The following CDH10 variants were observed in gnomAD, a reference collection of about 807,000 sequenced individuals.
CDH10 encodes the protein cadherin 10.
A neutral mutation model predicts 73.1 loss-of-function variants in CDH10; 30 were observed. The ratio of observed to expected loss-of-function variants is 0.41; its 90% CI spans 0.31 to 0.56. The LOEUF is 0.56. Among genes scored for constraint, CDH10 ranks in the 20% least tolerant of loss-of-function variants. The probability of loss-of-function intolerance (pLI) is 0.27; values close to 1 mark genes in which losing one functional copy is unlikely to be tolerated. For missense variants in CDH10, 815 were observed against 973.7 expected (o/e 0.84, Z 2.17); for synonymous variants, 345 against 348.2 (o/e 0.99, Z 0.10).
At chr5:24,605,257 A>G (rs1328266746) in intron 1 of CDH10, among the ~76,000 whole-genome samples, 1 of 152,240 alleles carries the variant, frequency 6.6e-6, no homozygotes, top group Non-Finnish European at 1.5e-5. Context: ...GTATAGGTCT[A>G]TGACCTGTTA....
chr5:24,493,161 A>G (rs1290549811), intron 9 of CDH10, among the ~76,000 whole-genome samples: 4 of 151,940 alleles, frequency 2.6e-5, no homozygotes, highest in African/African-American at 9.7e-5. Flanking sequence ...AATAAAAAAT[A>G]TATTATTTAG....
intron 5 of CDH10, among the ~76,000 whole-genome samples, chr5:24,528,555 C>T (rs1407590997): frequency 6.6e-6 from 1 of 151,936 alleles, no homozygotes. Context: ...AAGACCTTGT[C>T]TCATGCAAAC....
At chr5:24,533,201 C>A (rs1035816153) in intron 5 of CDH10, among the ~76,000 whole-genome samples, 2 of 151,886 alleles carry the variant, frequency 1.3e-5, no homozygotes, top group African/African-American at 4.8e-5. Context: ...GTGGCATGAA[C>A]CTGTAATCCT....
rs1393956707 is a variant in CDH10, at chr5:24,520,077, AC to A, written c.815-8564del. Among the ~76,000 whole-genome samples, 22 of 152,282 alleles carry A rather than the reference AC, an allele frequency of 1.4e-4. 1 individual carries two copies. Among genetic ancestry groups the A allele is most frequent in the African/African-American group, 5.3e-4 (22 of 41,550 alleles). ...CCATTCATACTGGATTACAGCTTTA[AC>A]TCTAATAACCTCATTTTAAACTATT... is the stretch of plus-strand genomic sequence containing the variant. On this transcript the variant is annotated intron_variant, in intron 5 of 11. Transcript: ENST00000264463.
At chr5:24,536,662 A>T (rs1743964032) in intron 3 of CDH10, among the ~76,000 whole-genome samples, 2 of 152,010 alleles carry the variant, frequency 1.3e-5, no homozygotes, top group Admixed American at 1.3e-4. Flanking sequence ...CTTGGCCTAC[A>T]GATACATCTC....
Position 24,603,039 on chromosome 5 carries a change from G to A in CDH10, c.-123-9426C>T, listed in dbSNP as rs1746622575. On this transcript the variant is annotated intron_variant, in intron 1 of 11. Coordinates refer to ENST00000264463, the MANE Select transcript of CDH10 (RefSeq NM_006727.5). ...GATTACAGTGGCTTTGTCTGATAAT[G>A]AAACTCTAAAAACTAGAAGATTTCA... is the stretch of plus-strand genomic sequence containing the variant. Among the ~76,000 whole-genome samples the A allele has an allele frequency of 7.9e-5, 12 of 152,208 alleles. No homozygotes were observed. In the South Asian group the frequency reaches 2.5e-3, roughly 32 times the overall value.
chr5:24,639,851 T>C (rs1005670956), intron 1 of CDH10, among the ~76,000 whole-genome samples: 2 of 151,776 alleles, frequency 1.3e-5, no homozygotes, highest in South Asian at 2.1e-4. Context: ...AACTTATGCA[T>C]TGAGCATAAT....
intron 1 of CDH10, among the ~76,000 whole-genome samples, chr5:24,613,582 T>C (rs2112150257): frequency 6.6e-6 from 1 of 150,840 alleles, no homozygotes; most frequent in East Asian, 2.0e-4. Context: ...TGAAAGAATG[T>C]CCTTGGAAGT....
At chr5:24,627,362 G>T (rs1297890390) in intron 1 of CDH10, among the ~76,000 whole-genome samples, 3 of 151,712 alleles carry the variant, frequency 2.0e-5, no homozygotes, top group African/African-American at 4.8e-5. Context: ...CTTAATTTTA[G>T]GGCAATTTTC....
At chr5:24,529,855 C>T in intron 5 of CDH10, among the ~76,000 whole-genome samples, 1 of 151,634 alleles carries the variant, frequency 6.6e-6, no homozygotes, top group Admixed American at 6.6e-5. Context: ...GTCTGTGAGT[C>T]AGTGAGTGTA....
At chr5:24,589,234 G>C (rs973082012) in intron 2 of CDH10, among the ~76,000 whole-genome samples, 10 of 152,146 alleles carry the variant, frequency 6.6e-5, no homozygotes, top group African/African-American at 2.4e-4. Flanking sequence ...CACGAGGCTG[G>C]AGAAAAATAT....
In CDH10 at chr5:24,533,619, T is replaced by C. The variant is rs555745855; in HGVS notation, c.814+1493A>G. On this transcript the variant is annotated intron_variant, in intron 5 of 11. Transcript: ENST00000264463. Reference sequence around the variant, plus strand: ...TGTGGATTATGCAATTAATTAGTTATGGTTTATTGTGCTGAATTTGCATGT... The same window carrying C: ...TGTGGATTATGCAATTAATTAGTTACGGTTTATTGTGCTGAATTTGCATGT... Among the ~76,000 whole-genome samples, 18 of 152,256 alleles carry C rather than the reference T, an allele frequency of 1.2e-4. No individual in the cohort carries two copies. In the East Asian group the frequency reaches 2.1e-3, roughly 18 times the overall value.
In CDH10 at chr5:24,492,909, CT is replaced by C; in HGVS notation, c.1531del (p.Ser511ValfsTer3). On this transcript the variant is annotated frameshift_variant, in exon 10 of 12. Coordinates refer to ENST00000264463, the MANE Select transcript of CDH10 (RefSeq NM_006727.5). LOFTEE classifies it high-confidence loss of function. ...ARPGQLIQTISAVDKDDPLGG... is the reference protein window; with the variant it reads ...ARPGQLIQTIXAVDKDDPLGG... ...TAAAGGGTCATCTTTGTCTACTGCA[CT>C]TATAGTCTGTATTAGCTGCAGAAAA... The C allele has an allele frequency of 1.3e-6, 2 of 1,512,090 alleles. No homozygotes were observed. The highest frequency in any genetic ancestry group is 1.4e-5 in the African/African-American group (1 of 72,988). 93.7% of individuals were successfully genotyped at this position (1,512,090 alleles called of 1,614,324 possible).
intron 11 of CDH10, among the ~76,000 whole-genome samples, chr5:24,488,383 C>T (rs1397387169): frequency 6.6e-6 from 1 of 151,970 alleles, no homozygotes; most frequent in Non-Finnish European, 1.5e-5. Context: ...TTTAAAACAA[C>T]GTAAAATATT....
chr5:24,524,305 A>G (rs900562028), intron 5 of CDH10, among the ~76,000 whole-genome samples: 1 of 152,098 alleles, frequency 6.6e-6, no homozygotes, highest in Non-Finnish European at 1.5e-5. Flanking sequence ...GAAGTATCCT[A>G]CTTTGTCAAG....
At chr5:24,636,114 AATAG>A (rs1165645864) in intron 1 of CDH10, among the ~76,000 whole-genome samples, 5 of 152,002 alleles carry the variant, frequency 3.3e-5, no homozygotes, top group Non-Finnish European at 5.9e-5. Flanking sequence ...AAATGACAGT[AATAG>A]ATAGCACTAG....
intron 2 of CDH10, among the ~76,000 whole-genome samples, chr5:24,574,399 A>G (rs1225452951): frequency 6.6e-6 from 1 of 152,138 alleles, no homozygotes; most frequent in African/African-American, 2.4e-5. Context: ...AACTCGCATG[A>G]CATTTTACAA....
At chr5:24,606,530 C>G (rs1579465176) in intron 1 of CDH10, among the ~76,000 whole-genome samples, 1 of 151,964 alleles carries the variant, frequency 6.6e-6, no homozygotes, top group African/African-American at 2.4e-5. Context: ...AGAATCGCTT[C>G]AACCTGGGAG....
At chr5:24,514,764 C>T (rs1579744548) in intron 5 of CDH10, among the ~76,000 whole-genome samples, 1 of 151,920 alleles carries the variant, frequency 6.6e-6, no homozygotes, top group African/African-American at 2.4e-5. Context: ...AAAGCTAGAG[C>T]AAATAGGAAA....
Sources: gnomAD v4.1 joint callset for allele counts (sites outside exome capture counted in the v4.1 genomes callset) on GRCh38, gnomAD v4.1.1 for gene constraint, MANE v1.5 for transcripts, NCBI Gene and HGNC (gene_info 2026-07-23, HGNC 2026-07-21) for gene names.